The following PKNOX2 variants were observed in gnomAD, a reference collection of about 807,000 sequenced individuals.
PKNOX2 encodes homeobox protein PKNOX2.
PKNOX2 carries 14 observed loss-of-function variants against 53.1 expected under a neutral mutation model. The observed-to-expected ratio is 0.26, with a 90% confidence interval of 0.17 to 0.41. The LOEUF is 0.41. Among genes scored for constraint, PKNOX2 ranks in the 10% least tolerant of loss-of-function variants. The pLI, the probability that PKNOX2 is intolerant of heterozygous loss-of-function variation, is 1.00. For synonymous variants in PKNOX2, 257 were observed against 242.8 expected (o/e 1.06, Z -0.54); for missense variants, 496 against 602.8 (o/e 0.82, Z 1.85).
At chr11:125,355,525 C>A (rs1245011692) in intron 4 of PKNOX2, among the ~76,000 whole-genome samples, 1 of 152,124 alleles carries the variant, frequency 6.6e-6, no homozygotes, top group Non-Finnish European at 1.5e-5. Context: ...ACAATGATTG[C>A]CTAATGACCA....
intron 2 of PKNOX2, among the ~76,000 whole-genome samples, chr11:125,260,954 T>C (rs975775130): frequency 3.3e-5 from 5 of 152,194 alleles, no homozygotes; most frequent in African/African-American, 1.2e-4. Context: ...CTTTCTGCTG[T>C]GTGGCCTCAG....
At chr11:125,354,588 G>A (rs891747224) in intron 4 of PKNOX2, among the ~76,000 whole-genome samples, 1 of 152,136 alleles carries the variant, frequency 6.6e-6, no homozygotes, top group African/African-American at 2.4e-5. Flanking sequence ...TAGCAATACC[G>A]AGCATAATCT....
chr11:125,169,197 A>G (rs1300337822), intron 1 of PKNOX2, among the ~76,000 whole-genome samples: 1 of 152,244 alleles, frequency 6.6e-6, no homozygotes, highest in Non-Finnish European at 1.5e-5. Context: ...GATGCTGCAG[A>G]GGAAAAACTG....
intron 4 of PKNOX2, among the ~76,000 whole-genome samples, chr11:125,355,286 A>G (rs959199064): frequency 6.6e-6 from 1 of 151,810 alleles, no homozygotes; most frequent in African/African-American, 2.4e-5. Flanking sequence ...AGAAAAAAAA[A>G]AAAAAAAGAA....
At chr11:125,351,228 C>T (rs1234742473) in intron 3 of PKNOX2, 56 bp from the exon 4 acceptor site, 2 of 803,850 alleles carry the variant, frequency 2.5e-6, no homozygotes, top group African/African-American at 1.7e-5. Context: ...GCTGGGTGCC[C>T]AGGGCGGGCC....
rs527571821 is a variant in PKNOX2 at position 125,301,157 on chromosome 11, G to T, written c.-129-30662G>T. Among the ~76,000 whole-genome samples the T allele has an allele frequency of 3.0e-4, 45 of 152,300 alleles. 1 individual carries two copies. The highest frequency in any genetic ancestry group is 1.0e-3 in the African/African-American group (42 of 41,552). The stretch of plus-strand genomic sequence containing the variant: ...CTCTGGGCTGGCTCTGGTTCAGGGA[G>T]CGCTGTTTGGAGCTCAGATCAGATG... On this transcript the variant is annotated intron_variant, in intron 2 of 12. Coordinates refer to ENST00000298282, the MANE Select transcript of PKNOX2 (RefSeq NM_001382323.2).
intron 7 of PKNOX2, among the ~76,000 whole-genome samples, chr11:125,402,686 G>A (rs1485315570): frequency 6.6e-6 from 1 of 152,162 alleles, no homozygotes; most frequent in Non-Finnish European, 1.5e-5. Context: ...CAAGAGTACA[G>A]AGGAAAGGAG....
intron 10 of PKNOX2, among the ~76,000 whole-genome samples, chr11:125,415,976 T>A (rs1329275384): frequency 6.6e-6 from 1 of 152,222 alleles, no homozygotes; most frequent in Non-Finnish European, 1.5e-5. Flanking sequence ...ACCTCTCCTA[T>A]ACTGTAACAT....
chr11:125,333,588 C>T (rs1950265491), intron 3 of PKNOX2, among the ~76,000 whole-genome samples: 4 of 141,298 alleles, frequency 2.8e-5, no homozygotes, highest in Admixed American at 2.8e-4. Context: ...ACACTAACCA[C>T]TGAACCGTCT....
chr11:125,409,338 G>A (rs1007102795), intron 7 of PKNOX2, among the ~76,000 whole-genome samples: 1 of 152,284 alleles, frequency 6.6e-6, no homozygotes, highest in African/African-American at 2.4e-5. Flanking sequence ...TGTCTTACCT[G>A]CCTGGGCTAA....
chr11:125,235,671 G>T (rs1448053479), intron 2 of PKNOX2, among the ~76,000 whole-genome samples: 1 of 152,192 alleles, frequency 6.6e-6, no homozygotes, highest in Non-Finnish European at 1.5e-5. Context: ...ACCCACCTGT[G>T]GGACCCGGCC....
intron 1 of PKNOX2, among the ~76,000 whole-genome samples, chr11:125,222,727 ATGTG>A (rs746914950): frequency 8.2e-6 from 1 of 121,850 alleles, no homozygotes; most frequent in Non-Finnish European, 1.7e-5. Flanking sequence ...GTGTGTGTGT[ATGTG>A]TGTGTGTCTG....
In PKNOX2 at chr11:125,245,376, G is replaced by A. The variant is rs189115512; in HGVS notation, c.-130+10261G>A. On this transcript the variant is annotated intron_variant, in intron 2 of 12. Transcript: ENST00000298282. ...GAGTCAGGACAAACCAGGGACTGGA[G>A]CTCAGAAAGGCCAAGCAACACATTC... 7.9e-3 allele frequency among the ~76,000 whole-genome samples: 1,204 copies of A among 152,370 alleles called. 9 individuals are homozygous for A. Among genetic ancestry groups the A allele is most frequent in the Non-Finnish European group, 0.014 (931 of 68,038 alleles).
In PKNOX2 at chr11:125,346,178, G is replaced by A. The variant is rs376528586; in HGVS notation, c.-22-5106G>A. 9.6e-4 allele frequency among the ~76,000 whole-genome samples: 145 copies of A among 151,012 alleles called. No individual in the cohort carries two copies. In the South Asian group the frequency reaches 0.022, roughly 23 times the overall value. On this transcript the variant is annotated intron_variant, in intron 3 of 12. Coordinates refer to ENST00000298282, the MANE Select transcript of PKNOX2 (RefSeq NM_001382323.2). ...GCCTGGGCAGCTGCTCAGAGGGGAC[G>A]GCTTGGGGGTGGGGGTGGAGGGGTA...
chr11:125,178,509 T>C (rs1955857550), intron 1 of PKNOX2, among the ~76,000 whole-genome samples: 1 of 114,076 alleles, frequency 8.8e-6, no homozygotes, highest in Admixed American at 9.4e-5. Context: ...AAACTCTGTC[T>C]CAAAAAAAAA....
At position 125,398,054 on chromosome 11, in the gene PKNOX2, C is replaced by T; in HGVS notation, c.580C>T (p.His194Tyr). 1 of 1,611,088 alleles carries T rather than the reference C, an allele frequency of 6.2e-7. No homozygotes were observed. The highest frequency in any genetic ancestry group is 1.1e-5 in the South Asian group (1 of 90,442). Residue 194 changes from histidine (H) to tyrosine (Y), a missense_variant, in exon 7 of 13, where the codon CAC (histidine) becomes TAC (tyrosine). Physicochemically the swap from His to Tyr is moderately conservative, Grantham distance 83. Around this residue, in one of 5 missense-constraint regions of PKNOX2, gnomAD observed 141 missense variants for 143.9 expected, o/e 0.98. Transcript: ENST00000298282. Reference protein sequence around the residue: ...YSPNQPSINLHSQDLLQNSPN... With the variant: ...YSPNQPSINLYSQDLLQNSPN... Reference sequence around the variant, plus strand: ...CCCCAACCAGCCCTCCATCAACCTTCACTCACAGGTAACACCCAGAGCTGG... The same window carrying T: ...CCCCAACCAGCCCTCCATCAACCTTTACTCACAGGTAACACCCAGAGCTGG...
chr11:125,184,619 C>T (rs1956343239), intron 1 of PKNOX2, among the ~76,000 whole-genome samples: 2 of 152,192 alleles, frequency 1.3e-5, no homozygotes, highest in South Asian at 4.1e-4. Flanking sequence ...GGAGCATAGC[C>T]TGCAGTGCTG....
chr11:125,262,016 C>T (rs1235559952), intron 2 of PKNOX2, among the ~76,000 whole-genome samples: 1 of 152,182 alleles, frequency 6.6e-6, no homozygotes, highest in African/African-American at 2.4e-5. Flanking sequence ...GAGCAGCCCT[C>T]CAGTCCCCTG....
chr11:125,192,810 G>A (rs1475178455), intron 1 of PKNOX2, among the ~76,000 whole-genome samples: 2 of 152,132 alleles, frequency 1.3e-5, no homozygotes, highest in Admixed American at 6.5e-5. Flanking sequence ...AGGAAATCAC[G>A]GCCAGCCAGG....
Sources: allele counts gnomAD v4.1 joint callset (sites outside exome capture counted in the v4.1 genomes callset), GRCh38; gene constraint gnomAD v4.1.1; regional missense constraint gnomAD v4.1.1; transcripts MANE v1.5; gene names NCBI Gene and HGNC (gene_info 2026-07-23, HGNC 2026-07-21).